The following APBA2 variants were observed in gnomAD, a reference collection of about 807,000 sequenced individuals.
APBA2 encodes amyloid beta precursor protein binding family A member 2, also known as amyloid-beta A4 precursor protein-binding family A member 2.
In APBA2, 30 loss-of-function variants were observed where a neutral mutation model predicts 75.0. The observed-to-expected ratio is 0.40, with a 90% CI of 0.30 to 0.54. The LOEUF (loss-of-function observed/expected upper bound fraction) is 0.54, where lower values mean the gene tolerates loss of function less well. APBA2 is among the 20% of genes least tolerant of loss of function. The pLI is 0.49. For synonymous variants in APBA2, 444 were observed against 409.6 expected (o/e 1.08, Z -1.01); for missense variants, 801 against 1,016.1 (o/e 0.79, Z 2.88).
intron 10 of APBA2, among the ~76,000 whole-genome samples, chr15:29,103,715 G>A (rs1213917678): frequency 6.6e-6 from 1 of 152,244 alleles, no homozygotes; most frequent in African/African-American, 2.4e-5. Flanking sequence ...TCCGAGGGCC[G>A]TGGGTGGTGG....
chr15:29,052,420 A>G (rs1478937236), intron 3 of APBA2, among the ~76,000 whole-genome samples: 3 of 141,976 alleles, frequency 2.1e-5, no homozygotes, highest in South Asian at 4.4e-4. Flanking sequence ...GTGCCACTGC[A>G]CTCCATCCTG....
intron 2 of APBA2, among the ~76,000 whole-genome samples, chr15:28,960,976 C>T (rs747146995): frequency 3.3e-5 from 5 of 152,064 alleles, no homozygotes; most frequent in Non-Finnish European, 5.9e-5. Context: ...TCAGGCTGGT[C>T]TCGAACTCCC....
At chr15:29,114,976 G>C (rs1596017286) in intron 14 of APBA2, among the ~76,000 whole-genome samples, 1 of 151,686 alleles carries the variant, frequency 6.6e-6, no homozygotes, top group East Asian at 1.9e-4. Flanking sequence ...TGTGAGGCAT[G>C]GGGTGTGAGG....
rs1202806033 is a variant in APBA2, at chr15:29,118,236, A to AGGAGT, written c.*1105_*1109dup. 17 of 152,710 alleles carry AGGAGT rather than the reference A, an allele frequency of 1.1e-4. No individual in the cohort carries two copies. The highest frequency in any genetic ancestry group is 4.1e-4 in the African/African-American group (17 of 41,602). The allele number at this position is 152,710 out of a possible 1,614,324, so 9.5% of individuals were successfully genotyped here. ...TAAAGCTTTAGGATGACTGTATTCGAGGAGTGCCGTGTGTTGCATGCAGCT... is the reference window on the plus strand; with the variant it reads ...TAAAGCTTTAGGATGACTGTATTCGAGGAGTGGAGTGCCGTGTGTTGCATGCAGCT... On this transcript the variant is annotated 3_prime_UTR_variant, in exon 15 of 15. Transcript: ENST00000683413.
intron 3 of APBA2, among the ~76,000 whole-genome samples, chr15:28,998,913 G>T (rs868501378): frequency 1.3e-5 from 2 of 152,346 alleles, no homozygotes; most frequent in African/African-American, 4.8e-5. Flanking sequence ...TTGGGAGGCC[G>T]AGGTGGGCAG....
chr15:28,955,377 A>G (rs2152728764), intron 2 of APBA2, among the ~76,000 whole-genome samples: 1 of 152,258 alleles, frequency 6.6e-6, no homozygotes, highest in Non-Finnish European at 1.5e-5. Flanking sequence ...CAAAGAGCTA[A>G]GGGTCTTGCT....
In APBA2 at chr15:28,991,144, G is replaced by C. The variant is rs2038206571; in HGVS notation, c.-94-4609G>C. Among the ~76,000 whole-genome samples the C allele has an allele frequency of 6.6e-6, 1 of 152,162 alleles. No individual in the cohort carries two copies. Among genetic ancestry groups the C allele is most frequent in the Non-Finnish European group, 1.5e-5 (1 of 68,030 alleles). ...AGAATTTAAACATTTTACTTGTAAA[G>C]AGCACTTTGGTATCCACCCCAAGGG... On this transcript the variant is annotated intron_variant, in intron 2 of 14. Coordinates refer to ENST00000683413, the MANE Select transcript of APBA2 (RefSeq NM_001353788.2). This position sits in a 1 kb window ranked among gnomAD's most constrained non-coding sequence, Gnocchi z 4.7.
intron 6 of APBA2, 22 bp from the exon 7 acceptor site, chr15:29,093,053 C>CT: frequency 6.2e-7 from 1 of 1,614,124 alleles, no homozygotes; most frequent in Non-Finnish European, 8.5e-7. Context: ...TAGGAAGACT[C>CT]TGACTCTGTG....
rs2043671654 is a variant in APBA2, at chr15:29,093,234, G to A, written c.1215+14G>A. 17 of 1,614,044 alleles carry A rather than the reference G, an allele frequency of 1.1e-5. No homozygotes were observed. The highest frequency in any genetic ancestry group is 1.4e-5 in the Non-Finnish European group (17 of 1,180,010). Reference sequence around the variant, plus strand: ...AGCCGGGTCAAGGTAGAGGTGCTTCGAGGGCCCCTCGCGGATGCCCGCACA... The same window carrying A: ...AGCCGGGTCAAGGTAGAGGTGCTTCAAGGGCCCCTCGCGGATGCCCGCACA... On this transcript the variant is annotated intron_variant, in intron 7 of 14. Transcript: ENST00000683413.
At chr15:28,975,222 T>A (rs889732340) in intron 2 of APBA2, among the ~76,000 whole-genome samples, 3 of 140,728 alleles carry the variant, frequency 2.1e-5, no homozygotes, top group African/African-American at 3.1e-5. Context: ...AAATTCCTAC[T>A]GGAAAAAAAT....
At chr15:28,983,616 C>A (rs115309791) in intron 2 of APBA2, among the ~76,000 whole-genome samples, 1 of 152,236 alleles carries the variant, frequency 6.6e-6, no homozygotes, top group Non-Finnish European at 1.5e-5. Flanking sequence ...GGAGCGCTGT[C>A]GGCTCATGGG....
intron 1 of APBA2, among the ~76,000 whole-genome samples, chr15:28,900,351 C>T (rs1686237032): frequency 6.6e-6 from 1 of 152,116 alleles, no homozygotes; most frequent in African/African-American, 2.4e-5. Flanking sequence ...GGTGGATCTT[C>T]AGGGAATGTC....
chr15:29,072,490 A>G (rs915938862), intron 4 of APBA2, among the ~76,000 whole-genome samples: 18 of 152,184 alleles, frequency 1.2e-4, no homozygotes, highest in African/African-American at 4.3e-4. Context: ...TTCCTTGGCC[A>G]TAGCAGGAAG....
intron 10 of APBA2, chr15:29,102,759 CA>C (rs11366143): frequency 0.78 from 111,979 of 143,978 alleles, 48,142 homozygotes; most frequent in Non-Finnish European, 0.96. Flanking sequence ...AACTCCGTCT[CA>C]AAAAAAAAAA....
chr15:28,909,180 T>C lies in APBA2; in HGVS notation c.-204-12460T>C, dbSNP rs1261761710. 4.0e-5 allele frequency among the ~76,000 whole-genome samples: 6 copies of C among 151,868 alleles called. No individual in the cohort carries two copies. The South Asian group carries it at 8.3e-4, about 21-fold the overall frequency. ...TTTTTTTTTGTATTTTTAGTAGAGA[T>C]GGGGTTTCACCGTGTTAGCCAGGAT... On this transcript the variant is annotated intron_variant, in intron 1 of 14. Coordinates refer to ENST00000683413, the MANE Select transcript of APBA2 (RefSeq NM_001353788.2).
chr15:28,949,370 A>G (rs1327214685), intron 2 of APBA2, among the ~76,000 whole-genome samples: 2 of 152,152 alleles, frequency 1.3e-5, no homozygotes, highest in African/African-American at 2.4e-5. Context: ...TCTGCGGAAG[A>G]GCACTTTCCA....
chr15:29,103,035 C>T (rs1226243893), intron 10 of APBA2, among the ~76,000 whole-genome samples: 3 of 152,246 alleles, frequency 2.0e-5, no homozygotes, highest in Admixed American at 1.3e-4. Flanking sequence ...CACATTCCTT[C>T]CACCGCTACA....
intron 1 of APBA2, among the ~76,000 whole-genome samples, chr15:28,896,719 C>G (rs1046066792): frequency 2.6e-5 from 4 of 152,214 alleles, no homozygotes; most frequent in Admixed American, 2.0e-4. Flanking sequence ...ATTGTGCTGA[C>G]TGGGTCAGCA....
At chr15:28,986,064 A>G (rs1395706559) in intron 2 of APBA2, among the ~76,000 whole-genome samples, 1 of 152,206 alleles carries the variant, frequency 6.6e-6, no homozygotes, top group South Asian at 2.1e-4. Flanking sequence ...ATTAAAATTA[A>G]TATCGTAATG....
Sources: gnomAD v4.1 joint callset for allele counts (sites outside exome capture counted in the v4.1 genomes callset) on GRCh38, gnomAD v4.1.1 for gene constraint, Gnocchi (gnomAD v3.1) non-coding constraint, MANE v1.5 for transcripts, NCBI Gene and HGNC (gene_info 2026-07-23, HGNC 2026-07-21) for gene names.